The following COL6A2 variants were observed in gnomAD, a reference collection of about 807,000 sequenced individuals.
COL6A2 encodes collagen alpha-2(VI) chain.
A neutral mutation model predicts 124.9 loss-of-function variants in COL6A2; 90 were observed. That is an observed-to-expected ratio of 0.72 (90% CI 0.61 to 0.86). The LOEUF is 0.86. Among genes scored for constraint, COL6A2 ranks in the 40% least tolerant of loss-of-function variants. The pLI is 0.00. For synonymous variants in COL6A2, 793 were observed against 618.2 expected (o/e 1.28, Z -4.19); for missense variants, 1,607 against 1,502.5 (o/e 1.07, Z -1.15).
rs192329840 is a variant in COL6A2, at chr21:46,107,970, T to A, written c.-27-3480T>A. Among the ~76,000 whole-genome samples, 446 of 152,212 alleles carry A rather than the reference T, an allele frequency of 2.9e-3. 1 individual carries two copies. Among genetic ancestry groups the A allele is most frequent in the African/African-American group, 0.01 (432 of 41,522 alleles). The stretch of plus-strand genomic sequence containing the variant: ...CCACTCATATTTGGCTCAGAATAAA[T>A]CTCTTAAAATATTTTACAGAGTTTG... On this transcript the variant is annotated intron_variant, in intron 1 of 27. Transcript: ENST00000300527.
At chr21:46,131,567 A>C (rs1261173282) in intron 27 of COL6A2, among the ~76,000 whole-genome samples, 1 of 152,128 alleles carries the variant, frequency 6.6e-6, no homozygotes, top group African/African-American at 2.4e-5. Flanking sequence ...GGTCCTCCTT[A>C]AGTACCTCCC....
In COL6A2 at chr21:46,132,230, CCTT is replaced by C. The variant is rs746930351; in HGVS notation, c.2741_2743del (p.Phe914del). 15 of 1,598,514 alleles carry C rather than the reference CCTT, an allele frequency of 9.4e-6. No individual in the cohort carries two copies. Among genetic ancestry groups the C allele is most frequent in the Non-Finnish European group, 1.2e-5 (14 of 1,174,074 alleles). On this transcript the variant is annotated inframe_deletion, in exon 28 of 28. Coordinates refer to ENST00000300527, the MANE Select transcript of COL6A2 (RefSeq NM_001849.4). Reference sequence around the variant, plus strand: ...CTGGAGACCACACAATACCTGAACTCCTTCTCGCACGTGGGCGCAGGCGTGGTG... The same window carrying C: ...CTGGAGACCACACAATACCTGAACTCCTCGCACGTGGGCGCAGGCGTGGTG...
At chr21:46,109,105 G>T (rs2078367042) in intron 1 of COL6A2, among the ~76,000 whole-genome samples, 1 of 152,118 alleles carries the variant, frequency 6.6e-6, no homozygotes, top group Admixed American at 6.5e-5. Context: ...TGTCTCTGCA[G>T]CTCTTAGCAG....
chr21:46,121,730 G>T, intron 18 of COL6A2, 112 bp downstream of exon 18: 1 of 1,056,588 alleles, frequency 9.5e-7, no homozygotes. Context: ...GCCTCAGGAC[G>T]GGCCTGTGCC....
chr21:46,132,251 G>A lies in COL6A2; in HGVS notation c.2759G>A (p.Gly920Asp). The stretch of plus-strand genomic sequence containing the variant: ...AACTCCTTCTCGCACGTGGGCGCAG[G>A]CGTGGTGCACGCCATCAATGCCATC... ...YLNSFSHVGA[G>D]VVHAINAIVR... The change falls in exon 28 of 28, where the codon GGC becomes GAC. Residue 920 changes from glycine to aspartate, a missense_variant. Gly to Asp is a moderately conservative substitution (Grantham distance 94, BLOSUM62 -1). This residue lies in a region of COL6A2 where 1,223 missense variants were observed against 1,052.2 expected (regional missense o/e 1.16). Transcript: ENST00000300527. 1.2e-6 allele frequency: 2 copies of A among 1,605,162 alleles called. No individual in the cohort carries two copies. The highest frequency in any genetic ancestry group is 1.7e-4 in the Middle Eastern group (1 of 6,052).
intron 20 of COL6A2, 149 bp from the exon 21 acceptor site, chr21:46,122,726 A>C: frequency 1.1e-6 from 1 of 898,130 alleles, no homozygotes; most frequent in South Asian, 1.5e-5. Flanking sequence ...CTTTTCAACC[A>C]AAGTTCAGGC....
At chr21:46,125,652 G>A in intron 25 of COL6A2, 35 bp downstream of exon 25, 1 of 1,597,226 alleles carries the variant, frequency 6.3e-7, no homozygotes, top group African/African-American at 1.3e-5. Flanking sequence ...GCATTGCGGG[G>A]GGCCGGGCGG....
rs749451502 is a variant in COL6A2, at chr21:46,126,016, G to A, written c.2201G>A (p.Arg734His). The stretch of plus-strand genomic sequence containing the variant: ...TTTGCGGTGGTCATCACGGACGGGC[G>A]CCACGACCCTCGGGACGATGACCTC... ...RVFAVVITDG[R>H]HDPRDDDLNL... Residue 734 changes from arginine (R) to histidine (H), a missense_variant, in exon 26 of 28, where the codon CGC becomes CAC. Transcript: ENST00000300527. 1.9e-5 allele frequency: 31 copies of A among 1,612,764 alleles called. No homozygotes were observed. The highest frequency in any genetic ancestry group is 1.2e-4 in the Admixed American group (7 of 60,008).
At position 46,122,909 on chromosome 21, in the gene COL6A2, C is replaced by A; in HGVS notation, c.1643C>A (p.Pro548His). Residue 548 changes from proline to histidine, a missense_variant, in exon 21 of 28, where the codon CCT becomes CAT. Transcript: ENST00000300527. ...GRGDFGLKGEPGRKGEKGEPA... is the reference protein window; with the variant it reads ...GRGDFGLKGEHGRKGEKGEPA... ...GGCGACTTTGGCTTGAAAGGAGAACCTGGGAGGAAAGGAGAGAAAGGAGAG... is the reference window on the plus strand; with the variant it reads ...GGCGACTTTGGCTTGAAAGGAGAACATGGGAGGAAAGGAGAGAAAGGAGAG... 1 of 1,613,296 alleles carries A rather than the reference C, an allele frequency of 6.2e-7. No individual in the cohort carries two copies. Among genetic ancestry groups the A allele is most frequent in the Non-Finnish European group, 8.5e-7 (1 of 1,179,928 alleles).
chr21:46,127,015 C>T (rs1249212782), intron 27 of COL6A2, among the ~76,000 whole-genome samples: 1 of 668 alleles, frequency 1.5e-3, no homozygotes, highest in Non-Finnish European at 3.3e-3. Flanking sequence ...GCGGCTCTCA[C>T]ATCTCTGGGA....
chr21:46,112,496 C>G lies in COL6A2; in HGVS notation c.633C>G (p.Leu211=), dbSNP rs2078417726. 1.2e-6 allele frequency: 2 copies of G among 1,611,762 alleles called. No individual in the cohort carries two copies. The highest frequency in any genetic ancestry group is 3.3e-5 in the Admixed American group (2 of 59,986). ...LRDIASTPHE[L]YRNDYATMLP... ...ACATCGCCAGCACGCCGCACGAGCT[C>G]TACCGCAACGACTACGCCACCATGC... Residue 211 remains leucine (L), a synonymous_variant, in exon 3 of 28, where the codon CTC becomes CTG. Coordinates refer to ENST00000300527, the MANE Select transcript of COL6A2 (RefSeq NM_001849.4).
chr21:46,121,429 C>T, intron 17 of COL6A2, 127 bp from the exon 18 acceptor site: 2 of 928,128 alleles, frequency 2.2e-6, no homozygotes, highest in Non-Finnish European at 1.7e-6. Context: ...CCACGGCCCC[C>T]ACAGGCAGCA....
intron 27 of COL6A2, chr21:46,129,706 C>G: frequency 7.1e-7 from 1 of 1,413,432 alleles, no homozygotes. Flanking sequence ...AGTCTCTCCT[C>G]CGTCTTCCTG....
intron 14 of COL6A2, 33 bp from the exon 15 acceptor site, chr21:46,119,755 C>T (rs2078530689): frequency 6.5e-7 from 1 of 1,548,852 alleles, no homozygotes; most frequent in Non-Finnish European, 8.7e-7. Flanking sequence ...TGGACTCAGC[C>T]CCCTCCCTCA....
In COL6A2 at chr21:46,125,583, G is replaced by A. The variant is rs1458485829; in HGVS notation, c.1935G>A (p.Leu645=). ...KNFVINVVNR[L]GAIAKDPKSE... is the part of the protein sequence containing the mutation. ...TCGTCATCAACGTGGTCAACAGGCT[G>A]GGTGCCATCGCTAAGGACCCCAAGT... The change falls in exon 25 of 28, where the codon CTG becomes CTA. Residue 645 remains leucine (L), a synonymous_variant. Coordinates refer to ENST00000300527, the MANE Select transcript of COL6A2 (RefSeq NM_001849.4). 4 of 1,612,874 alleles carry A rather than the reference G, an allele frequency of 2.5e-6. No individual in the cohort carries two copies. Among genetic ancestry groups the A allele is most frequent in the Admixed American group, 1.7e-5 (1 of 60,022 alleles).
chr21:46,129,508 CAGCCG>C (rs2078729484), intron 27 of COL6A2: 1 of 1,543,970 alleles, frequency 6.5e-7, no homozygotes, highest in Non-Finnish European at 8.7e-7. Context: ...GGCACCCGCC[CAGCCG>C]GGCTGGGCCC....
At chr21:46,130,397 C>T (rs531293636) in intron 27 of COL6A2, among the ~76,000 whole-genome samples, 9 of 152,334 alleles carry the variant, frequency 5.9e-5, no homozygotes, top group South Asian at 4.1e-4. Flanking sequence ...CTGACCCCGA[C>T]GTTCTGACTG....
At chr21:46,113,006 C>T (rs2078426295) in intron 4 of COL6A2, 182 bp downstream of exon 4, 1 of 743,572 alleles carries the variant, frequency 1.3e-6, no homozygotes, top group Non-Finnish European at 2.3e-6. Flanking sequence ...CAAAGCTAGG[C>T]TGTTTAGATC....
intron 27 of COL6A2, chr21:46,129,774 GA>G: frequency 7.7e-7 from 1 of 1,303,602 alleles, no homozygotes; most frequent in Non-Finnish European, 9.8e-7. Context: ...CCCAAGTCCA[GA>G]ATGACCTCGC....
Sources: allele counts gnomAD v4.1 joint callset (sites outside exome capture counted in the v4.1 genomes callset), GRCh38; gene constraint gnomAD v4.1.1; regional missense constraint gnomAD v4.1.1; transcripts MANE v1.5; gene names NCBI Gene and HGNC (gene_info 2026-07-23, HGNC 2026-07-21).